The following ARMH3 variants were observed in gnomAD, a reference collection of about 807,000 sequenced individuals.
ARMH3 encodes the protein armadillo like helical domain containing 3, also known as armadillo-like helical domain-containing protein 3.
Under a neutral mutation model 99.1 loss-of-function variants are expected in ARMH3, and 60 were observed. The ratio of observed to expected loss-of-function variants is 0.61; its 90% CI spans 0.49 to 0.75. ARMH3 has a LOEUF of 0.75. Ranked by LOEUF, ARMH3 falls within the 30% of genes least tolerant of loss-of-function variation. The pLI, the probability that ARMH3 is intolerant of heterozygous loss-of-function variation, is 0.00. For synonymous variants in ARMH3, 285 were observed against 292.8 expected (o/e 0.97, Z 0.27); for missense variants, 679 against 843.1 (o/e 0.81, Z 2.41).
rs1038394214 is a variant in ARMH3 at position 101,860,263 on chromosome 10, T to C, written c.1861-10371A>G. ...ATATATATAGATATAGATATAGATA[T>C]ATAGATATAGATGAATAGTTAATAT... On this transcript the variant is annotated intron_variant, in intron 24 of 25. Transcript: ENST00000370033. Among the ~76,000 whole-genome samples, 3 of 152,212 alleles carry C rather than the reference T, an allele frequency of 2.0e-5. 1 individual carries two copies. The South Asian group carries it at 6.2e-4, about 32-fold the overall frequency.
chr10:101,905,707 G>A lies in ARMH3; in HGVS notation c.1782-16217C>T, dbSNP rs1017285823. On this transcript the variant is annotated intron_variant, in intron 23 of 25. Coordinates refer to ENST00000370033, the MANE Select transcript of ARMH3 (RefSeq NM_024541.3). ...AAGGTAGGTTGGGATCAAATGTCAT[G>A]CAAAAAGGTCTGGACATTATCCTAT... 2.0e-5 allele frequency among the ~76,000 whole-genome samples: 3 copies of A among 152,162 alleles called. No homozygotes were observed. The East Asian group carries it at 5.8e-4, about 29-fold the overall frequency.
At chr10:101,933,738 G>T (rs939308005) in intron 23 of ARMH3, among the ~76,000 whole-genome samples, 1 of 152,174 alleles carries the variant, frequency 6.6e-6, no homozygotes, top group African/African-American at 2.4e-5. Context: ...TTCTAACTCA[G>T]TGAAGATAAT....
intron 25 of ARMH3, among the ~76,000 whole-genome samples, chr10:101,849,113 AG>A (rs1217800218): frequency 6.6e-6 from 1 of 152,210 alleles, no homozygotes; most frequent in Non-Finnish European, 1.5e-5. Flanking sequence ...GTGGGTACAG[AG>A]GCCTGCAGGT....
intron 24 of ARMH3, among the ~76,000 whole-genome samples, chr10:101,867,191 T>C (rs1221923237): frequency 6.6e-6 from 1 of 152,218 alleles, no homozygotes; most frequent in Non-Finnish European, 1.5e-5. Flanking sequence ...TCTTGTTATA[T>C]GACAAGAAGG....
chr10:101,919,176 A>C (rs955462462), intron 23 of ARMH3, among the ~76,000 whole-genome samples: 2 of 152,104 alleles, frequency 1.3e-5, no homozygotes, highest in Non-Finnish European at 2.9e-5. Flanking sequence ...GTGAGATTTA[A>C]CTCAAAGAAA....
intron 22 of ARMH3, chr10:101,952,584 C>A (rs1844841120): frequency 6.6e-6 from 1 of 152,050 alleles, no homozygotes; most frequent in South Asian, 2.1e-4. Context: ...ATACAATTTA[C>A]CCGCTTAACC....
intron 1 of ARMH3, among the ~76,000 whole-genome samples, chr10:102,051,247 C>T (rs766998968): frequency 6.6e-6 from 1 of 151,476 alleles, no homozygotes; most frequent in Non-Finnish European, 1.5e-5. Flanking sequence ...CCAAGGCCGG[C>T]GGATCATCTG....
intron 24 of ARMH3, among the ~76,000 whole-genome samples, chr10:101,853,984 G>A (rs554342291): frequency 2.1e-4 from 32 of 152,278 alleles, no homozygotes; most frequent in Middle Eastern, 3.4e-3. Context: ...GCAGTGGTAG[G>A]TGCCTGTAAT....
At chr10:101,920,089 C>T (rs530038209) in intron 23 of ARMH3, among the ~76,000 whole-genome samples, 3 of 152,258 alleles carry the variant, frequency 2.0e-5, no homozygotes, top group Admixed American at 6.5e-5. Flanking sequence ...TATCTATTTT[C>T]GAGAAAGAGT....
At chr10:101,886,233 G>A (rs2135429160) in intron 24 of ARMH3, among the ~76,000 whole-genome samples, 1 of 152,108 alleles carries the variant, frequency 6.6e-6, no homozygotes, top group Middle Eastern at 3.4e-3. Context: ...GTATGACCAG[G>A]CTGGGTGCAG....
At chr10:101,980,513 G>A (rs947325307) in intron 19 of ARMH3, among the ~76,000 whole-genome samples, 8 of 152,072 alleles carry the variant, frequency 5.3e-5, no homozygotes, top group Non-Finnish European at 1.0e-4. Context: ...TGGCCAGGCT[G>A]GTCTCAAACT....
chr10:101,918,044 G>GT (rs970075031), intron 23 of ARMH3, among the ~76,000 whole-genome samples: 2 of 151,612 alleles, frequency 1.3e-5, no homozygotes, highest in African/African-American at 2.4e-5. Flanking sequence ...GGGGTTTTTT[G>GT]TTTGTTTGTT....
intron 19 of ARMH3, among the ~76,000 whole-genome samples, chr10:101,982,330 G>A (rs1386917427): frequency 6.6e-6 from 1 of 152,208 alleles, no homozygotes; most frequent in African/African-American, 2.4e-5. Flanking sequence ...AGGTTACAGT[G>A]AGCTGAGATT....
At chr10:101,875,541 T>A (rs1046973495) in intron 24 of ARMH3, among the ~76,000 whole-genome samples, 1 of 152,198 alleles carries the variant, frequency 6.6e-6, no homozygotes, top group African/African-American at 2.4e-5. Context: ...TTTCATTTCC[T>A]ATACTTCAGG....
Position 101,969,927 on chromosome 10 carries a change from G to A in ARMH3, c.1495+5285C>T, listed in dbSNP as rs529006836. 3.9e-5 allele frequency among the ~76,000 whole-genome samples: 6 copies of A among 152,232 alleles called. No individual in the cohort carries two copies. The South Asian group carries it at 6.2e-4, about 16-fold the overall frequency. On this transcript the variant is annotated intron_variant, in intron 20 of 25. Coordinates refer to ENST00000370033, the MANE Select transcript of ARMH3 (RefSeq NM_024541.3). ...GGGATAAAAATAACGACTTATCACC[G>A]GGATGTGGCAGAGTGAGAGGGTAAC... is the stretch of plus-strand genomic sequence containing the variant.
At chr10:101,958,190 A>T (rs2135816988) in intron 20 of ARMH3, among the ~76,000 whole-genome samples, 1 of 152,312 alleles carries the variant, frequency 6.6e-6, no homozygotes, top group South Asian at 2.1e-4. Flanking sequence ...ATCCATTCTA[A>T]CTGGTCACCA....
intron 23 of ARMH3, among the ~76,000 whole-genome samples, chr10:101,935,503 T>C (rs1037146022): frequency 3.9e-5 from 6 of 152,170 alleles, no homozygotes; most frequent in Non-Finnish European, 7.3e-5. Flanking sequence ...TAAGTATTCT[T>C]AGAACAGAAA....
chr10:101,928,541 T>C (rs1843593733), intron 23 of ARMH3, among the ~76,000 whole-genome samples: 1 of 152,048 alleles, frequency 6.6e-6, no homozygotes, highest in African/African-American at 2.4e-5. Context: ...CAGTGGCACA[T>C]GCTTATGGTC....
chr10:101,964,796 G>A (rs1001375944), intron 20 of ARMH3, among the ~76,000 whole-genome samples: 1 of 151,530 alleles, frequency 6.6e-6, no homozygotes, highest in African/African-American at 2.4e-5. Context: ...GATTACCTGA[G>A]GTCAGGAGTT....
Sources: gnomAD v4.1 joint callset for allele counts (sites outside exome capture counted in the v4.1 genomes callset) on GRCh38, gnomAD v4.1.1 for gene constraint, MANE v1.5 for transcripts, NCBI Gene and HGNC (gene_info 2026-07-23, HGNC 2026-07-21) for gene names.